Variants in LEMD2 observed in about 807,000 individuals in gnomAD.
The protein encoded by LEMD2 is LEM domain-containing protein 2.
In LEMD2, 34 loss-of-function variants were observed where a neutral mutation model predicts 58.8. The observed-to-expected ratio is 0.58, with a 90% confidence interval of 0.44 to 0.77. The LOEUF (loss-of-function observed/expected upper bound fraction) is 0.77, where lower values mean the gene tolerates loss of function less well. Ranked by LOEUF, LEMD2 falls within the 30% of genes least tolerant of loss-of-function variation. The pLI is 0.00. For missense variants in LEMD2, 629 were observed against 717.9 expected (o/e 0.88, Z 1.42); for synonymous variants, 298 against 308.9 (o/e 0.96, Z 0.37).
At chr6:33,788,288 G>T in intron 1 of LEMD2, 93 bp downstream of exon 1, 1 of 1,305,224 alleles carries the variant, frequency 7.7e-7, no homozygotes, top group African/African-American at 1.5e-5. Flanking sequence ...TGACAAGGCC[G>T]GAAGTGCGCG....
At chr6:33,786,481 C>T (rs571964760) in intron 2 of LEMD2, among the ~76,000 whole-genome samples, 4 of 152,148 alleles carry the variant, frequency 2.6e-5, no homozygotes, top group Admixed American at 1.3e-4. Context: ...TCAAAGTCCC[C>T]GATGCTACAT....
intron 3 of LEMD2, among the ~76,000 whole-genome samples, chr6:33,782,849 G>A (rs1237402288): frequency 1.3e-5 from 2 of 152,218 alleles, no homozygotes; most frequent in African/African-American, 2.4e-5. Flanking sequence ...AGGACTACTA[G>A]GGAGCCTCTG....
chr6:33,772,486 G>C lies in LEMD2; in HGVS notation c.*142C>G. On this transcript the variant is annotated 3_prime_UTR_variant, in exon 9 of 9. Transcript: ENST00000293760. ...GAGCCGAACTCCTCTGAAGAGTATG[G>C]CAGACCTTTGGAATCGTGTCAGGAC... 1.3e-6 allele frequency: 1 copy of C among 763,540 alleles called. No homozygotes were observed. Among genetic ancestry groups the C allele is most frequent in the Non-Finnish European group, 2.1e-6 (1 of 475,224 alleles). 47.3% of individuals were successfully genotyped at this position (763,540 alleles called of 1,614,324 possible). A position where few individuals can be genotyped will look rare whatever the true frequency, so the allele number is the denominator to read the frequency against.
At chr6:33,785,229 C>A (rs1561927326) in intron 2 of LEMD2, among the ~76,000 whole-genome samples, 1 of 152,158 alleles carries the variant, frequency 6.6e-6, no homozygotes, top group Non-Finnish European at 1.5e-5. Context: ...CTCACCAAAG[C>A]CAAGAAACAC....
chr6:33,788,737 G>C lies in LEMD2; in HGVS notation c.380C>G (p.Ala127Gly). The C allele has an allele frequency of 7.0e-7, 1 of 1,431,854 alleles. No individual in the cohort carries two copies. Among genetic ancestry groups the C allele is most frequent in the Non-Finnish European group, 9.1e-7 (1 of 1,094,180 alleles). The allele number at this position is 1,431,854 out of a possible 1,614,324, so 88.7% of individuals were successfully genotyped here. A position where few individuals can be genotyped will look rare whatever the true frequency, so the allele number is the denominator to read the frequency against. ...SRGLAYPARP[A>G]QLRRRASVRG... Reference sequence around the variant, plus strand: ...GACCGAGGCGCGGCGCCTGAGTTGCGCCGGGCGGGCAGGATAGGCGAGGCC... The same window carrying C: ...GACCGAGGCGCGGCGCCTGAGTTGCCCCGGGCGGGCAGGATAGGCGAGGCC... The change falls in exon 1 of 9, where the codon GCG (alanine) becomes GGG (glycine). Residue 127 changes from alanine to glycine, a missense_variant. Coordinates refer to ENST00000293760, the MANE Select transcript of LEMD2 (RefSeq NM_181336.4).
chr6:33,777,185 A>G lies in LEMD2; in HGVS notation c.1211T>C (p.Leu404Ser), dbSNP rs1280909664. ...LILLKYRWRK[L>S]EEEEQAMYEM... ...ATACATGGCTTGTTCCTCCTCTTCTAACTTTCGCCACCGATATTTTAGGAG... is the reference window on the plus strand; with the variant it reads ...ATACATGGCTTGTTCCTCCTCTTCTGACTTTCGCCACCGATATTTTAGGAG... Residue 404 changes from leucine to serine, a missense_variant, in exon 7 of 9, where the codon TTA becomes TCA. Physicochemically the swap from Leu to Ser is moderately radical, Grantham distance 145 (BLOSUM62 -2). This residue lies in a region of LEMD2 where 243 missense variants were observed against 336.8 expected (regional missense o/e 0.72). Coordinates refer to ENST00000293760, the MANE Select transcript of LEMD2 (RefSeq NM_181336.4). The G allele has an allele frequency of 1.2e-6, 2 of 1,614,100 alleles. No individual in the cohort carries two copies. The highest frequency in any genetic ancestry group is 1.7e-6 in the Non-Finnish European group (2 of 1,180,002).
chr6:33,773,602 G>GGA (rs747966461), intron 8 of LEMD2, among the ~76,000 whole-genome samples: 1 of 151,578 alleles, frequency 6.6e-6, no homozygotes, highest in Non-Finnish European at 1.5e-5. Flanking sequence ...GGCGGGGGGG[G>GGA]GGCTAGGGCT....
chr6:33,781,352 C>A, intron 3 of LEMD2, 199 bp from the exon 4 acceptor site: 1 of 580,404 alleles, frequency 1.7e-6, no homozygotes, highest in Non-Finnish European at 3.1e-6. Flanking sequence ...TCATTAAAAC[C>A]TGACCTGCAA....
At chr6:33,781,915 T>A (rs1041298786) in intron 3 of LEMD2, 12 of 152,248 alleles carry the variant, frequency 7.9e-5, no homozygotes, top group African/African-American at 2.7e-4. Context: ...ATACACTATT[T>A]AACACGTGTG....
intron 8 of LEMD2, among the ~76,000 whole-genome samples, chr6:33,775,729 T>G (rs1282241769): frequency 6.6e-6 from 1 of 152,220 alleles, no homozygotes; most frequent in Non-Finnish European, 1.5e-5. Flanking sequence ...GCCATGGGAC[T>G]CTTGAGCACA....
Position 33,772,718 on chromosome 6 carries a change from C to T in LEMD2, c.1422G>A (p.Arg474=). 1 of 1,614,040 alleles carries T rather than the reference C, an allele frequency of 6.2e-7. No homozygotes were observed. The highest frequency in any genetic ancestry group is 8.5e-7 in the Non-Finnish European group (1 of 1,180,008). The change falls in exon 9 of 9, where the codon CGG becomes CGA. Residue 474 remains arginine, a synonymous_variant. Coordinates refer to ENST00000293760, the MANE Select transcript of LEMD2 (RefSeq NM_181336.4). The part of the protein sequence containing the change: ...AVEFLASNES[R]IQTESHRVAG... ...CAACGCGGTGGGACTCCGTCTGGAT[C>T]CGGGATTCGTTGGAGGCCAGGAACT...
At chr6:33,781,455 T>G in intron 3 of LEMD2, 1 of 358,694 alleles carries the variant, frequency 2.8e-6, no homozygotes, top group African/African-American at 2.1e-5. Flanking sequence ...ACAGATAGCT[T>G]CGGAAGGTAC....
chr6:33,773,936 C>T (rs1332744212), intron 8 of LEMD2, among the ~76,000 whole-genome samples: 5 of 152,152 alleles, frequency 3.3e-5, no homozygotes, highest in African/African-American at 4.8e-5. Flanking sequence ...AGAGAGCAAA[C>T]AGAGCATGGG....
In LEMD2 at chr6:33,788,929, C is replaced by A. The variant is rs1430825742; in HGVS notation, c.188G>T (p.Arg63Leu). The A allele has an allele frequency of 1.3e-6, 2 of 1,491,864 alleles. No individual in the cohort carries two copies. The highest frequency in any genetic ancestry group is 2.3e-5 in the Admixed American group (1 of 43,730). 92.4% of individuals were successfully genotyped at this position (1,491,864 alleles called of 1,614,324 possible). ...ATCCTCGCGTAACCGGGCCTCTTCCCGTAACCGCTCCTCGCCCCGCGGCCG... is the reference window on the plus strand; with the variant it reads ...ATCCTCGCGTAACCGGGCCTCTTCCAGTAACCGCTCCTCGCCCCGCGGCCG... ...EARPRGEERL[R>L]EEARLREDAP... is the part of the protein sequence containing the mutation. The change falls in exon 1 of 9, where the codon CGG becomes CTG. Residue 63 changes from arginine to leucine, a missense_variant. Arg to Leu is a moderately radical substitution (Grantham distance 102, BLOSUM62 -2). Coordinates refer to ENST00000293760, the MANE Select transcript of LEMD2 (RefSeq NM_181336.4).
chr6:33,780,634 T>C (rs73412122), intron 4 of LEMD2, among the ~76,000 whole-genome samples: 2,033 of 152,284 alleles, frequency 0.013, 39 homozygotes, highest in African/African-American at 0.045. Context: ...CCTAAGTTAC[T>C]GGACAGGCAG....
chr6:33,777,007 A>T lies in LEMD2; in HGVS notation c.1308T>A (p.Tyr436Ter). 1 of 1,614,184 alleles carries T rather than the reference A, an allele frequency of 6.2e-7. No individual in the cohort carries two copies. Among genetic ancestry groups the T allele is most frequent in the Non-Finnish European group, 8.5e-7 (1 of 1,180,032 alleles). ...GCACGTGCAGGATGCCTACATATGG[A>T]TAGCGCTCCATGTCCTGCTCCCAGT... ...YVDWEQDMERYPYVGILHVRD... is the reference protein window; with the variant it reads ...YVDWEQDMER Residue 436 changes from tyrosine (Y) to a stop codon, truncating the protein, a stop_gained, in exon 8 of 9, where the codon TAT becomes TAA. Transcript: ENST00000293760. LOFTEE classifies it high-confidence loss of function.
chr6:33,774,017 C>T (rs919109781), intron 8 of LEMD2, among the ~76,000 whole-genome samples: 2 of 152,208 alleles, frequency 1.3e-5, no homozygotes, highest in Non-Finnish European at 2.9e-5. Context: ...GGTATCTATG[C>T]TAATGCACGA....
rs1767530019 is a variant in LEMD2, at chr6:33,780,092, A to G, written c.1010+8T>C. 5.1e-6 allele frequency: 8 copies of G among 1,583,092 alleles called. No individual in the cohort carries two copies. The highest frequency in any genetic ancestry group is 1.2e-5 in the South Asian group (1 of 86,826). ...CCCATGCTGCGTCGCCACCCTGCCC[A>G]CACTCACCAGATGCCCACGTCCTTG... On this transcript the variant is annotated splice_region_variant and intron_variant, in intron 5 of 8. Coordinates refer to ENST00000293760, the MANE Select transcript of LEMD2 (RefSeq NM_181336.4).
At chr6:33,782,783 C>G (rs1392202250) in intron 3 of LEMD2, among the ~76,000 whole-genome samples, 1 of 152,254 alleles carries the variant, frequency 6.6e-6, no homozygotes, top group Non-Finnish European at 1.5e-5. Context: ...CTGCAAGGGC[C>G]TGCACAGTGC....
Sources: gnomAD v4.1 joint callset for allele counts (sites outside exome capture counted in the v4.1 genomes callset) on GRCh38, gnomAD v4.1.1 for gene constraint, gnomAD v4.1.1 regional missense constraint, MANE v1.5 for transcripts, NCBI Gene and HGNC (gene_info 2026-07-23, HGNC 2026-07-21) for gene names.